The following KAZN variants were observed in gnomAD, a reference collection of about 807,000 sequenced individuals.
KAZN encodes the protein kazrin, periplakin interacting protein.
Under a neutral mutation model 87.4 loss-of-function variants are expected in KAZN, and 40 were observed. The ratio of observed to expected loss-of-function variants is 0.46; its 90% confidence interval spans 0.36 to 0.60. The LOEUF (loss-of-function observed/expected upper bound fraction) is 0.60, where lower values mean the gene tolerates loss of function less well. Among genes scored for constraint, KAZN ranks in the 20% least tolerant of loss-of-function variants. The pLI is 0.00. For missense variants in KAZN, 898 were observed against 1,073.9 expected (o/e 0.84, Z 2.29); for synonymous variants, 466 against 458.3 (o/e 1.02, Z -0.22).
At chr1:13,996,918 G>A (rs541470106) in intron 1 of KAZN, among the ~76,000 whole-genome samples, 2 of 152,236 alleles carry the variant, frequency 1.3e-5, no homozygotes, top group South Asian at 4.2e-4. Flanking sequence ...CCCTCCAACA[G>A]GGGTTGTAAG....
intron 1 of KAZN, among the ~76,000 whole-genome samples, chr1:14,141,084 G>A (rs1038516757): frequency 1.3e-5 from 2 of 151,894 alleles, no homozygotes; most frequent in Non-Finnish European, 2.9e-5. Context: ...CTCCCTGGAC[G>A]CCGTTCTGGC....
chr1:14,148,787 G>C (rs921099365), intron 1 of KAZN, among the ~76,000 whole-genome samples: 1 of 152,134 alleles, frequency 6.6e-6, no homozygotes, highest in South Asian at 2.1e-4. Context: ...CATTATGCTT[G>C]ACTCCCCCAA....
chr1:15,056,150 G>A lies in KAZN; in HGVS notation c.786G>A (p.Met262Ile), dbSNP rs770593881. The A allele has an allele frequency of 1.7e-5, 28 of 1,614,162 alleles. No homozygotes were observed. Among genetic ancestry groups the A allele is most frequent in the Non-Finnish European group, 2.3e-5 (27 of 1,179,994 alleles). Residue 262 changes from methionine to isoleucine, a missense_variant, in exon 5 of 15, where the codon ATG becomes ATA. By Grantham distance (10) the Met-to-Ile change is conservative (BLOSUM62 1). Transcript: ENST00000376030. The surrounding 1 kb of genome is among the most constrained non-coding windows in gnomAD (Gnocchi z 5.4). The stretch of plus-strand genomic sequence containing the variant: ...TCCCCAAGCGGCATTCCCTCGCCAT[G>A]CCGGGCGAGACGGTGCTCAATGGCA... ...KDVPKRHSLA[M>I]PGETVLNGNQ...
At chr1:14,450,708 T>G (rs1667225330) in intron 2 of KAZN, among the ~76,000 whole-genome samples, 1 of 152,118 alleles carries the variant, frequency 6.6e-6, no homozygotes. Context: ...TTTGCCAAGT[T>G]TTACAAACCC....
chr1:14,934,056 C>T (rs1481425948), intron 1 of KAZN, among the ~76,000 whole-genome samples: 2 of 151,724 alleles, frequency 1.3e-5, no homozygotes, highest in Admixed American at 1.3e-4. Context: ...GGGGTTTCAC[C>T]GTGTTATCCA....
chr1:14,568,743 T>C (rs965504047), intron 2 of KAZN, among the ~76,000 whole-genome samples: 1 of 152,202 alleles, frequency 6.6e-6, no homozygotes, highest in African/African-American at 2.4e-5. Flanking sequence ...CCAGCTGAGC[T>C]GTACCCAGGC....
chr1:14,976,760 A>C (rs1434118907), intron 2 of KAZN, among the ~76,000 whole-genome samples: 1 of 152,126 alleles, frequency 6.6e-6, no homozygotes, highest in Non-Finnish European at 1.5e-5. Flanking sequence ...GGCGCTCAAA[A>C]ACTGGGCTCT....
At chr1:14,429,660 G>A (rs1214101539) in intron 2 of KAZN, among the ~76,000 whole-genome samples, 1 of 152,092 alleles carries the variant, frequency 6.6e-6, no homozygotes, top group Non-Finnish European at 1.5e-5. Context: ...AATGGAAAGA[G>A]CCATTGTTTG....
At chr1:13,988,289 A>G (rs576160458) in intron 1 of KAZN, among the ~76,000 whole-genome samples, 3 of 152,332 alleles carry the variant, frequency 2.0e-5, no homozygotes, top group African/African-American at 7.2e-5. Flanking sequence ...TAGAAATAAA[A>G]ATGCCTATTT....
In KAZN at chr1:14,363,315, C is replaced by T. The variant is rs369050812; in HGVS notation, c.249+182723C>T. ...ACATCTCCGTCTCCCACCTCACAGT[C>T]GGAAGGATGTTCTAAGGGCCTAGTA... On this transcript the variant is annotated intron_variant, in intron 2 of 16. Coordinates refer to the KAZN transcript ENST00000636203. Among the ~76,000 whole-genome samples, 35 of 152,248 alleles carry T rather than the reference C, an allele frequency of 2.3e-4. No homozygotes were observed. In the South Asian group the frequency reaches 6.2e-3, roughly 27 times the overall value.
intron 1 of KAZN, among the ~76,000 whole-genome samples, chr1:14,848,806 C>T (rs942934694): frequency 6.6e-6 from 1 of 152,246 alleles, no homozygotes; most frequent in Admixed American, 6.5e-5. Flanking sequence ...CATTTGCATC[C>T]TCTTCCTCGG....
intron 2 of KAZN, among the ~76,000 whole-genome samples, chr1:14,461,155 C>A (rs949057203): frequency 6.6e-6 from 1 of 152,184 alleles, no homozygotes; most frequent in Non-Finnish European, 1.5e-5. Context: ...CAACAGCATC[C>A]GCCCTTGAGT....
At chr1:14,023,835 C>T (rs760139150) in intron 1 of KAZN, among the ~76,000 whole-genome samples, 1 of 152,152 alleles carries the variant, frequency 6.6e-6, no homozygotes, top group Non-Finnish European at 1.5e-5. Flanking sequence ...AAGACCTCTC[C>T]TGTCCTGAGA....
intron 2 of KAZN, among the ~76,000 whole-genome samples, chr1:14,499,138 C>G (rs926763768): frequency 6.6e-6 from 1 of 152,040 alleles, no homozygotes; most frequent in Non-Finnish European, 1.5e-5. Context: ...GTTTATAAAA[C>G]TAAGATCATG....
At chr1:14,505,556 T>C (rs144295662) in intron 2 of KAZN, among the ~76,000 whole-genome samples, 59 of 152,174 alleles carry the variant, frequency 3.9e-4, no homozygotes, top group Middle Eastern at 6.8e-3. Context: ...TTATCTGAGA[T>C]CAAATAAATT....
At chr1:13,947,159 T>C (rs1017263290) in intron 1 of KAZN, among the ~76,000 whole-genome samples, 6 of 152,138 alleles carry the variant, frequency 3.9e-5, no homozygotes, top group African/African-American at 1.2e-4. Flanking sequence ...ACACAGTTCC[T>C]CAGGGCTGGG....
chr1:14,576,456 G>A (rs1451555730), intron 2 of KAZN, among the ~76,000 whole-genome samples: 1 of 151,670 alleles, frequency 6.6e-6, no homozygotes, highest in Non-Finnish European at 1.5e-5. Context: ...TGGATGGATG[G>A]ATATATTAAT....
intron 1 of KAZN, among the ~76,000 whole-genome samples, chr1:14,059,648 T>C (rs1485632020): frequency 6.6e-6 from 1 of 152,186 alleles, no homozygotes; most frequent in Non-Finnish European, 1.5e-5. Flanking sequence ...TATCTAGGCA[T>C]CCTGCAATCC....
intron 2 of KAZN, among the ~76,000 whole-genome samples, chr1:14,212,622 C>G (rs573644006): frequency 6.6e-6 from 1 of 152,076 alleles, no homozygotes; most frequent in African/African-American, 2.4e-5. Flanking sequence ...ATCCCAGCTG[C>G]CAGCAGGGAA....
Sources: gnomAD v4.1 joint callset for allele counts (sites outside exome capture counted in the v4.1 genomes callset) on GRCh38, gnomAD v4.1.1 for gene constraint, Gnocchi (gnomAD v3.1) non-coding constraint, MANE v1.5 for transcripts, NCBI Gene and HGNC (gene_info 2026-07-23, HGNC 2026-07-21) for gene names.